The following OPCML variants were observed in gnomAD, a reference collection of about 807,000 sequenced individuals.
OPCML encodes opioid binding protein/cell adhesion molecule like, also known as opioid-binding protein/cell adhesion molecule.
OPCML carries 13 observed loss-of-function variants against 37.8 expected under a neutral mutation model. The ratio of observed to expected loss-of-function variants is 0.34; its 90% CI spans 0.22 to 0.55. OPCML has a LOEUF of 0.55. Ranked by LOEUF, OPCML falls within the 20% of genes least tolerant of loss-of-function variation. OPCML has a pLI of 0.91. For missense variants in OPCML, 341 were observed against 435.6 expected (o/e 0.78, Z 1.93); for synonymous variants, 176 against 168.8 (o/e 1.04, Z -0.33).
At chr11:133,116,821 T>A (rs1949343152) in intron 1 of OPCML, among the ~76,000 whole-genome samples, 1 of 151,414 alleles carries the variant, frequency 6.6e-6, no homozygotes, top group African/African-American at 2.4e-5. Flanking sequence ...TATATATGTA[T>A]GTATCTTGTT....
At chr11:132,639,560 G>T (rs556158745) in intron 3 of OPCML, among the ~76,000 whole-genome samples, 1 of 152,124 alleles carries the variant, frequency 6.6e-6, no homozygotes, top group East Asian at 1.9e-4. Context: ...TCCTGAATCC[G>T]AACACAATCC....
Position 132,465,371 on chromosome 11 carries a change from T to C in OPCML, c.506-28012A>G, listed in dbSNP as rs1278468227. Reference sequence around the variant, plus strand: ...TATTCACAACAAAGCCACATGTTATTTATCTCCTTGAATTTTACCAATTTC... The same window carrying C: ...TATTCACAACAAAGCCACATGTTATCTATCTCCTTGAATTTTACCAATTTC... On this transcript the variant is annotated intron_variant, in intron 4 of 7. Transcript: ENST00000524381. Among the ~76,000 whole-genome samples the C allele has an allele frequency of 4.6e-5, 7 of 152,322 alleles. No individual in the cohort carries two copies. The East Asian group carries it at 1.3e-3, about 29-fold the overall frequency.
At chr11:133,418,071 A>C in intron 1 of OPCML, 4 of 985,378 alleles carry the variant, frequency 4.1e-6, no homozygotes, top group Non-Finnish European at 4.8e-6. Flanking sequence ...ACACAGTGCT[A>C]CTTACAAAGT....
chr11:133,451,312 C>T (rs903458188), intron 1 of OPCML, among the ~76,000 whole-genome samples: 6 of 151,768 alleles, frequency 4.0e-5, no homozygotes, highest in African/African-American at 9.7e-5. Context: ...AAAATTTACA[C>T]TTAGAAGAAG....
At chr11:133,005,126 G>C (rs948928982) in intron 1 of OPCML, 216 of 985,182 alleles carry the variant, frequency 2.2e-4, no homozygotes, top group Admixed American at 1.8e-4. Context: ...TCCAAACTTA[G>C]AATGAAATCC....
At chr11:133,213,619 C>T (rs1266439778) in intron 1 of OPCML, among the ~76,000 whole-genome samples, 2 of 152,156 alleles carry the variant, frequency 1.3e-5, no homozygotes, top group African/African-American at 2.4e-5. Flanking sequence ...CACTCCTACA[C>T]TTAAAAAACT....
intron 1 of OPCML, among the ~76,000 whole-genome samples, chr11:133,462,767 C>T (rs1946885858): frequency 1.3e-5 from 2 of 152,080 alleles, no homozygotes. Context: ...GTGGAAAACA[C>T]TATGGTGATT....
chr11:132,620,836 C>T (rs1226813471), intron 3 of OPCML, among the ~76,000 whole-genome samples: 1 of 152,166 alleles, frequency 6.6e-6, no homozygotes, highest in East Asian at 1.9e-4. Context: ...CTGCAGCAAT[C>T]ACTAGAGAAG....
chr11:133,217,113 T>C (rs1939616645), intron 1 of OPCML, among the ~76,000 whole-genome samples: 1 of 152,088 alleles, frequency 6.6e-6, no homozygotes. Flanking sequence ...CTCAGCCCTT[T>C]TCCTTCAGAG....
At chr11:132,923,095 T>TAAATA (rs11440384) in intron 2 of OPCML, among the ~76,000 whole-genome samples, 41,846 of 143,428 alleles carry the variant, frequency 0.29, 6,323 homozygotes, top group African/African-American at 0.37. Context: ...AATAAATAAA[T>TAAATA]AATAATAATA....
chr11:132,688,175 T>A (rs1943245191), intron 2 of OPCML, among the ~76,000 whole-genome samples: 1 of 152,164 alleles, frequency 6.6e-6, no homozygotes, highest in African/African-American at 2.4e-5. Flanking sequence ...ATGGTTTTTT[T>A]TTTTTATGAT....
rs971786273 is a variant in OPCML, at chr11:132,900,633, C to G, written c.146+42293G>C. On this transcript the variant is annotated intron_variant, in intron 2 of 7. Transcript: ENST00000524381. Reference sequence around the variant, plus strand: ...ATGTGCCTTACAGACTTGGCACTGTCTCCGCACGCTGTGACCTCCAGCTCC... The same window carrying G: ...ATGTGCCTTACAGACTTGGCACTGTGTCCGCACGCTGTGACCTCCAGCTCC... Among the ~76,000 whole-genome samples, 57 of 152,342 alleles carry G rather than the reference C, an allele frequency of 3.7e-4. 1 individual carries two copies. The highest frequency in any genetic ancestry group is 5.9e-4 in the Admixed American group (9 of 15,306).
chr11:132,929,066 T>A, intron 2 of OPCML, among the ~76,000 whole-genome samples: 1 of 147,330 alleles, frequency 6.8e-6, no homozygotes. Flanking sequence ...AAGAACAAAC[T>A]AAACACAAAA....
intron 2 of OPCML, among the ~76,000 whole-genome samples, chr11:132,905,203 G>C (rs548922014): frequency 6.7e-6 from 1 of 149,692 alleles, no homozygotes; most frequent in South Asian, 2.1e-4. Context: ...TCAAGGGACA[G>C]AGCTGGGACT....
At chr11:132,961,880 CT>C (rs1289715960) in intron 1 of OPCML, among the ~76,000 whole-genome samples, 1 of 152,228 alleles carries the variant, frequency 6.6e-6, no homozygotes, top group African/African-American at 2.4e-5. Flanking sequence ...AGTCTTGCCT[CT>C]AAGGTCAGGC....
intron 1 of OPCML, among the ~76,000 whole-genome samples, chr11:133,458,723 A>C (rs1302551079): frequency 7.1e-6 from 1 of 141,816 alleles, no homozygotes; most frequent in African/African-American, 3.0e-5. Context: ...GTGTGTGTAT[A>C]TATACACATA....
chr11:132,973,979 C>A (rs541367421), intron 1 of OPCML, among the ~76,000 whole-genome samples: 1 of 151,878 alleles, frequency 6.6e-6, no homozygotes, highest in Non-Finnish European at 1.5e-5. Context: ...TCTAGCCTGC[C>A]CCTTACCAAG....
intron 2 of OPCML, among the ~76,000 whole-genome samples, chr11:132,818,660 A>ATATATATATATATATATATATAT (rs56858242): frequency 0.17 from 19,522 of 114,850 alleles, 2,544 homozygotes; most frequent in Admixed American, 0.22. Context: ...ATATATATAT[A>ATATATATATATATATATATATAT]GACAGATTAT....
intron 1 of OPCML, among the ~76,000 whole-genome samples, chr11:133,505,123 T>C (rs1193985680): frequency 3.3e-5 from 5 of 152,194 alleles, no homozygotes; most frequent in Non-Finnish European, 7.3e-5. Context: ...ACCCTCGACC[T>C]CATCAAACCC....
Sources: gnomAD v4.1 joint callset for allele counts (sites outside exome capture counted in the v4.1 genomes callset) on GRCh38, gnomAD v4.1.1 for gene constraint, MANE v1.5 for transcripts, NCBI Gene and HGNC (gene_info 2026-07-23, HGNC 2026-07-21) for gene names.